The following DEDD2 variants were observed in gnomAD, a reference collection of about 807,000 sequenced individuals.
The protein encoded by DEDD2 is death effector domain containing 2.
In DEDD2, 18 loss-of-function variants were observed where a neutral mutation model predicts 28.9. The ratio of observed to expected loss-of-function variants is 0.62; its 90% CI spans 0.43 to 0.92. The LOEUF is 0.92. DEDD2 is among the 40% of genes least tolerant of loss of function. DEDD2 has a pLI of 0.00. For synonymous variants in DEDD2, 211 were observed against 206.1 expected (o/e 1.02, Z -0.20); for missense variants, 411 against 463.3 (o/e 0.89, Z 1.04).
rs372919577 is a variant in DEDD2 at position 42,207,814 on chromosome 19, A to G, written c.589+1886T>C. ...AATAAAATCCAAACCAAGGCCCCCC[A>G]CCTGCCTCATCTCCCCCTGCTCCCA... On this transcript the variant is annotated intron_variant, in intron 4 of 4. Transcript: ENST00000596251. Among the ~76,000 whole-genome samples the G allele has an allele frequency of 3.7e-3, 497 of 133,748 alleles. 5 individuals are homozygous for G. Among genetic ancestry groups the G allele is most frequent in the African/African-American group, 0.014 (481 of 35,264 alleles). The allele number at this position is 133,748 out of a possible 152,430, so 87.7% of individuals were successfully genotyped here.
chr19:42,208,528 G>C (rs557492857), intron 4 of DEDD2, among the ~76,000 whole-genome samples: 1 of 152,346 alleles, frequency 6.6e-6, no homozygotes, highest in Non-Finnish European at 1.5e-5. Context: ...TCCAGATGGA[G>C]TTAGAGTTCC....
chr19:42,205,417 G>T (rs1003907929), intron 4 of DEDD2, among the ~76,000 whole-genome samples: 1 of 152,046 alleles, frequency 6.6e-6, no homozygotes, highest in Non-Finnish European at 1.5e-5. Flanking sequence ...ATCACCTGAG[G>T]TCGGGAGTTC....
At chr19:42,204,785 C>T (rs542912816) in intron 4 of DEDD2, among the ~76,000 whole-genome samples, 2 of 147,566 alleles carry the variant, frequency 1.4e-5, no homozygotes, top group East Asian at 4.0e-4. Flanking sequence ...AGGACCAGCA[C>T]CAGCCCCCTC....
chr19:42,209,079 A>T (rs958156245), intron 4 of DEDD2, among the ~76,000 whole-genome samples: 2 of 152,112 alleles, frequency 1.3e-5, no homozygotes, highest in East Asian at 1.9e-4. Flanking sequence ...TCTACTAACT[A>T]AAAATACAAA....
At position 42,215,105 on chromosome 19, in the gene DEDD2, GCCATTACA is replaced by G; in HGVS notation, c.448+20_448+27del. 1 of 1,612,530 alleles carries G rather than the reference GCCATTACA, an allele frequency of 6.2e-7. No individual in the cohort carries two copies. Among genetic ancestry groups the G allele is most frequent in the Non-Finnish European group, 8.5e-7 (1 of 1,179,488 alleles). On this transcript the variant is annotated intron_variant, in intron 3 of 4. Coordinates refer to ENST00000596251, the MANE Select transcript of DEDD2 (RefSeq NM_133328.4). The stretch of plus-strand genomic sequence containing the variant: ...AATTCATAAGGAAAAGAGGGATGCT[GCCATTACA>G]CCCACCCAGCTGGGCTCACCTGTCT...
At chr19:42,200,599 C>T (rs1340860000) in intron 4 of DEDD2, among the ~76,000 whole-genome samples, 2 of 152,208 alleles carry the variant, frequency 1.3e-5, no homozygotes, top group African/African-American at 4.8e-5. Context: ...TACTCTCTTG[C>T]CACAGAGCTG....
intron 4 of DEDD2, among the ~76,000 whole-genome samples, chr19:42,206,719 G>A (rs1005694293): frequency 6.6e-6 from 1 of 152,146 alleles, no homozygotes; most frequent in African/African-American, 2.4e-5. Context: ...TCAGGCAGTC[G>A]AGAGTTTGTC....
chr19:42,199,472 T>A lies in DEDD2; in HGVS notation c.947A>T (p.Glu316Val). Residue 316 changes from glutamate to valine, a missense_variant, in exon 5 of 5, where the codon GAG (glutamate) becomes GTG (valine). By Grantham distance (121) the Glu-to-Val change is moderately radical (BLOSUM62 -2). This residue lies in a region of DEDD2 where 129 missense variants were observed against 189.9 expected (regional missense o/e 0.68). Transcript: ENST00000596251. The surrounding 1 kb of genome is among the most constrained non-coding windows in gnomAD (Gnocchi z 7.4). ...CTCTGTCGGGCGCCGCCCCCCTTCC[T>A]CCTCCATCAGCAACAGGCGGCGCCG... ...AGRRRLLLME[E>V]EGGRRPTEAS 3.1e-6 allele frequency: 5 copies of A among 1,610,838 alleles called. No individual in the cohort carries two copies. Among genetic ancestry groups the A allele is most frequent in the Non-Finnish European group, 4.2e-6 (5 of 1,178,826 alleles).
chr19:42,210,391 C>T (rs2035708586), intron 3 of DEDD2, among the ~76,000 whole-genome samples: 1 of 151,976 alleles, frequency 6.6e-6, no homozygotes, highest in Non-Finnish European at 1.5e-5. Flanking sequence ...TCTAAAAATA[C>T]TTTTCATACT....
chr19:42,218,962 T>C (rs2036077136), upstream of DEDD2, among the ~76,000 whole-genome samples: 2 of 152,094 alleles, frequency 1.3e-5, no homozygotes, highest in Non-Finnish European at 2.9e-5. Context: ...TAAGCAGAGA[T>C]AGTGCCACTG....
intron 3 of DEDD2, among the ~76,000 whole-genome samples, chr19:42,211,360 G>A (rs1356259727): frequency 2.0e-5 from 3 of 150,210 alleles, no homozygotes; most frequent in Non-Finnish European, 4.4e-5. Context: ...ACTCCAGCCT[G>A]GGAAACAGAG....
In DEDD2 at chr19:42,209,827, G is replaced by A. The variant is rs1372952188; in HGVS notation, c.462C>T (p.Thr154=). The A allele has an allele frequency of 3.9e-6, 6 of 1,541,206 alleles. No homozygotes were observed. In the African/African-American group the frequency reaches 7.1e-5, roughly 18 times the overall value. Residue 154 remains threonine, a synonymous_variant, in exon 4 of 5, where the codon ACC becomes ACT. Transcript: ENST00000596251. ...QGQWETGSPP[T]KRQRRSRGRP... ...GGCCCCGACTCCGCCGCTGCCGCTT[G>A]GTTGGGGGGGAGCCTGAGGGGAAAA...
In DEDD2 at chr19:42,199,823, C is replaced by G; in HGVS notation, c.596G>C (p.Arg199Pro). The change falls in exon 5 of 5, where the codon CGG becomes CCG. Residue 199 changes from arginine (R) to proline (P), a missense_variant. Around this residue, in one of 2 missense-constraint regions of DEDD2, gnomAD observed 129 missense variants for 189.9 expected, o/e 0.68. Transcript: ENST00000596251. The surrounding 1 kb of genome is among the most constrained non-coding windows in gnomAD (Gnocchi z 7.4). ...SSEGKVTCDI[R>P]LRVRAEYCEH... ...GCAGTACTCTGCTCGAACCCGGAGC[C>G]GGATGTCTGCAGGGGAAGGAGGGAT... is the stretch of plus-strand genomic sequence containing the variant. The G allele has an allele frequency of 6.3e-7, 1 of 1,589,402 alleles. No individual in the cohort carries two copies. The highest frequency in any genetic ancestry group is 8.6e-7 in the Non-Finnish European group (1 of 1,167,410).
intron 2 of DEDD2, 98 bp downstream of exon 2, chr19:42,216,582 C>A: frequency 1.6e-6 from 2 of 1,227,962 alleles, no homozygotes; most frequent in Admixed American, 3.0e-5. Context: ...ACATAAGCTG[C>A]CTGATATGGC....
Position 42,199,405 on chromosome 19 carries a change from C to G in DEDD2, c.*33G>C. On this transcript the variant is annotated 3_prime_UTR_variant, in exon 5 of 5. Coordinates refer to ENST00000596251, the MANE Select transcript of DEDD2 (RefSeq NM_133328.4). This position sits in a 1 kb window ranked among gnomAD's most constrained non-coding sequence, Gnocchi z 7.4. The stretch of plus-strand genomic sequence containing the variant: ...CTCCCAGGAGAAGGTGGCCCGGAGA[C>G]TTGGAGGTGGGATCAATCCTGCCAG... The G allele has an allele frequency of 6.5e-7, 1 of 1,539,770 alleles. No homozygotes were observed. Among genetic ancestry groups the G allele is most frequent in the Non-Finnish European group, 8.7e-7 (1 of 1,149,664 alleles).
At chr19:42,211,661 G>C (rs1371188857) in intron 3 of DEDD2, among the ~76,000 whole-genome samples, 1 of 152,062 alleles carries the variant, frequency 6.6e-6, no homozygotes. Context: ...TTGTTATTTT[G>C]ATGCTATTTA....
At chr19:42,200,379 T>C (rs2035283592) in intron 4 of DEDD2, among the ~76,000 whole-genome samples, 1 of 152,246 alleles carries the variant, frequency 6.6e-6, no homozygotes, top group Admixed American at 6.5e-5. Flanking sequence ...AGGTGTTCAA[T>C]ATGTATTTGT....
At chr19:42,208,365 A>C (rs1343953249) in intron 4 of DEDD2, among the ~76,000 whole-genome samples, 1 of 144,504 alleles carries the variant, frequency 6.9e-6, no homozygotes, top group Non-Finnish European at 1.5e-5. Flanking sequence ...CACGACCCCC[A>C]GGCCAGACCT....
At chr19:42,209,593 C>A in intron 4 of DEDD2, 107 bp downstream of exon 4, 1 of 1,441,054 alleles carries the variant, frequency 6.9e-7, no homozygotes, top group Non-Finnish European at 9.3e-7. Context: ...AGAGCTGACA[C>A]CCATCTGCCA....
Sources: allele counts gnomAD v4.1 joint callset (sites outside exome capture counted in the v4.1 genomes callset), GRCh38; gene constraint gnomAD v4.1.1; regional missense constraint gnomAD v4.1.1; non-coding constraint Gnocchi (gnomAD v3.1); transcripts MANE v1.5; gene names NCBI Gene and HGNC (gene_info 2026-07-23, HGNC 2026-07-21).